Variants in SWT1 observed in about 807,000 individuals in gnomAD.
SWT1 encodes the protein transcriptional protein SWT1.
SWT1 carries 33 observed loss-of-function variants against 107.3 expected under a neutral mutation model. That is an observed-to-expected ratio of 0.31 (90% confidence interval 0.23 to 0.41). The LOEUF (loss-of-function observed/expected upper bound fraction) is 0.41, where lower values mean the gene tolerates loss of function less well. Ranked by LOEUF, SWT1 falls within the 10% of genes least tolerant of loss-of-function variation. The pLI, the probability that SWT1 is intolerant of heterozygous loss-of-function variation, is 1.00. For synonymous variants in SWT1, 345 were observed against 348.3 expected, an observed-to-expected ratio of 0.99 and a Z score of 0.11; for missense variants, 898 against 1,028.9, an observed-to-expected ratio of 0.87 and a Z score of 1.74.
intron 15 of SWT1, chr1:185,226,839 A>G: frequency 1.3e-6 from 2 of 1,527,530 alleles, no homozygotes; most frequent in Non-Finnish European, 1.8e-6. Context: ...AGCTCTGAGG[A>G]AGCTTGCCTT....
At chr1:185,172,789 C>G (rs1228734840) in intron 4 of SWT1, among the ~76,000 whole-genome samples, 3 of 152,038 alleles carry the variant, frequency 2.0e-5, no homozygotes, top group Admixed American at 6.5e-5. Context: ...TGGCTCACAC[C>G]TGTAATCCCA....
At chr1:185,160,946 A>T in intron 2 of SWT1, 21 bp downstream of exon 2, 1 of 1,520,796 alleles carries the variant, frequency 6.6e-7, no homozygotes, top group Non-Finnish European at 9.1e-7. Flanking sequence ...TGATTTACTG[A>T]CCTAGAGATA....
chr1:185,209,670 T>A (rs1318342574), intron 13 of SWT1, among the ~76,000 whole-genome samples: 1 of 152,224 alleles, frequency 6.6e-6, no homozygotes, highest in Admixed American at 6.5e-5. Context: ...TTGTGAACAG[T>A]GCCGCAGTAA....
intron 9 of SWT1, among the ~76,000 whole-genome samples, chr1:185,189,983 G>A (rs1656814660): frequency 6.6e-6 from 1 of 151,894 alleles, no homozygotes; most frequent in Non-Finnish European, 1.5e-5. Flanking sequence ...CAGTAGCTGG[G>A]ATTACAGGCA....
intron 5 of SWT1, among the ~76,000 whole-genome samples, chr1:185,178,756 T>G (rs975696665): frequency 2.0e-5 from 3 of 152,008 alleles, no homozygotes; most frequent in African/African-American, 7.3e-5. Flanking sequence ...AAAGAGAACT[T>G]TAAAGATCAG....
chr1:185,228,421 C>G (rs997012695), intron 15 of SWT1, among the ~76,000 whole-genome samples: 4 of 151,510 alleles, frequency 2.6e-5, no homozygotes, highest in Non-Finnish European at 5.9e-5. Flanking sequence ...ACTCGGGAGG[C>G]TGAGGTGAGA....
chr1:185,276,188 TATAG>T (rs1558097289), intron 17 of SWT1, among the ~76,000 whole-genome samples: 1 of 152,152 alleles, frequency 6.6e-6, no homozygotes, highest in Non-Finnish European at 1.5e-5. Context: ...ATATCTCTGA[TATAG>T]ATATTTATTA....
intron 17 of SWT1, among the ~76,000 whole-genome samples, chr1:185,274,339 A>G (rs1212931744): frequency 1.3e-5 from 2 of 148,784 alleles, no homozygotes; most frequent in African/African-American, 4.9e-5. Flanking sequence ...GATGTCAGAT[A>G]TATATATATT....
intron 16 of SWT1, among the ~76,000 whole-genome samples, chr1:185,268,923 C>G (rs1387304437): frequency 1.6e-4 from 24 of 149,912 alleles, no homozygotes; most frequent in South Asian, 1.5e-3. Flanking sequence ...CGCGATCTCG[C>G]CTCACTGCAA....
intron 14 of SWT1, among the ~76,000 whole-genome samples, chr1:185,220,033 T>C (rs906287452): frequency 6.7e-6 from 1 of 149,370 alleles, no homozygotes; most frequent in Non-Finnish European, 1.5e-5. Flanking sequence ...TGGTCCCAGC[T>C]ACTGGGGAGG....
At chr1:185,213,560 CCTT>C (rs1558045397) in intron 13 of SWT1, among the ~76,000 whole-genome samples, 1 of 152,088 alleles carries the variant, frequency 6.6e-6, no homozygotes, top group Non-Finnish European at 1.5e-5. Context: ...CAGAGAAACT[CCTT>C]ATTGTTTTTT....
chr1:185,231,291 C>T (rs1045539565), intron 15 of SWT1, among the ~76,000 whole-genome samples: 8 of 152,166 alleles, frequency 5.3e-5, no homozygotes, highest in Admixed American at 5.2e-4. Flanking sequence ...GATAGCATTA[C>T]TTCTCCTCTA....
intron 16 of SWT1, 25 bp from the exon 17 acceptor site, chr1:185,271,298 C>A: frequency 1.6e-6 from 2 of 1,248,478 alleles, no homozygotes; most frequent in Middle Eastern, 1.9e-4. Flanking sequence ...TTATTCCCCC[C>A]CTTTGTTTTT....
intron 18 of SWT1, chr1:185,281,156 C>A: frequency 4.2e-6 from 1 of 238,156 alleles, no homozygotes; most frequent in South Asian, 5.6e-5. Flanking sequence ...ACCACACAGG[C>A]CATAAACTTT....
intron 2 of SWT1, among the ~76,000 whole-genome samples, chr1:185,165,118 G>A (rs1654460135): frequency 6.6e-6 from 1 of 152,154 alleles, no homozygotes; most frequent in African/African-American, 2.4e-5. Context: ...GAGAGGGAGA[G>A]AGACTGGCGA....
chr1:185,243,916 G>T (rs1359400818), intron 16 of SWT1, among the ~76,000 whole-genome samples: 1 of 152,082 alleles, frequency 6.6e-6, no homozygotes, highest in Non-Finnish European at 1.5e-5. Context: ...ACTTTACGCA[G>T]ATTTTATTTA....
chr1:185,222,762 C>CAAAA (rs59515070), intron 15 of SWT1, among the ~76,000 whole-genome samples: 10 of 36,054 alleles, frequency 2.8e-4, no homozygotes, highest in African/African-American at 8.3e-4. Context: ...GACGCCATCT[C>CAAAA]AAAAAAAAAA....
At chr1:185,190,447 A>G (rs191927324) in intron 9 of SWT1, 102 bp from the exon 10 acceptor site, 27 of 673,438 alleles carry the variant, frequency 4.0e-5, no homozygotes, top group African/African-American at 3.8e-4. Flanking sequence ...AACTACCTTA[A>G]ATCTCTTAGA....
chr1:185,175,063 T>C lies in SWT1; in HGVS notation c.916T>C (p.Tyr306His), dbSNP rs1558013430. ...TVHEWKRKHHYDHQESNDSHS... is the reference protein window; with the variant it reads ...TVHEWKRKHHHDHQESNDSHS... Reference sequence around the variant, plus strand: ...TCATGAGTGGAAACGAAAACATCATTATGACCATCAAGAAAGTAATGATTC... The same window carrying C: ...TCATGAGTGGAAACGAAAACATCATCATGACCATCAAGAAAGTAATGATTC... Residue 306 changes from tyrosine (Y) to histidine (H), a missense_variant, in exon 5 of 19, where the codon TAT becomes CAT. Transcript: ENST00000367500. 5.0e-6 allele frequency: 8 copies of C among 1,588,142 alleles called. No homozygotes were observed. Among genetic ancestry groups the C allele is most frequent in the Non-Finnish European group, 6.8e-6 (8 of 1,169,164 alleles).
Sources: gnomAD v4.1 joint callset for allele counts (sites outside exome capture counted in the v4.1 genomes callset) on GRCh38, gnomAD v4.1.1 for gene constraint, MANE v1.5 for transcripts, NCBI Gene and HGNC (gene_info 2026-07-23, HGNC 2026-07-21) for gene names.